MAP2: variants seen among roughly 807,000 people sequenced by gnomAD.
The protein encoded by MAP2 is microtubule associated protein 2, also known as microtubule-associated protein 2.
In MAP2, 14 loss-of-function variants were observed where a neutral mutation model predicts 137.6. The ratio of observed to expected loss-of-function variants is 0.10; its 90% CI spans 0.07 to 0.16. The LOEUF is 0.16. Among genes scored for constraint, MAP2 ranks in the 10% least tolerant of loss-of-function variants. The pLI is 1.00. For missense variants in MAP2, 2,088 were observed against 2,191.5 expected, an observed-to-expected ratio of 0.95 and a Z score of 0.94; for synonymous variants, 786 against 782.3, an observed-to-expected ratio of 1.00 and a Z score of -0.08.
intron 2 of MAP2, among the ~76,000 whole-genome samples, chr2:209,531,715 T>A (rs986048009): frequency 3.3e-5 from 5 of 152,220 alleles, no homozygotes; most frequent in Non-Finnish European, 4.4e-5. Flanking sequence ...ATTGCTGATA[T>A]AAGCTACTTT....
intron 1 of MAP2, among the ~76,000 whole-genome samples, chr2:209,446,547 T>C (rs1176717669): frequency 6.6e-6 from 1 of 151,900 alleles, no homozygotes; most frequent in African/African-American, 2.4e-5. Flanking sequence ...AAATTTTTTA[T>C]TTAGAGGCTT....
chr2:209,640,358 A>C (rs1396778), intron 4 of MAP2, among the ~76,000 whole-genome samples: 10,101 of 152,172 alleles, frequency 0.066, 800 homozygotes, highest in South Asian at 0.23. Context: ...AATACAGTTA[A>C]AAAATAATTA....
intron 2 of MAP2, among the ~76,000 whole-genome samples, chr2:209,525,112 A>C (rs1163060019): frequency 6.6e-6 from 1 of 152,158 alleles, no homozygotes; most frequent in East Asian, 1.9e-4. Context: ...AGGATATTAG[A>C]AATTAAATAA....
chr2:209,729,374 C>G (rs2239553), intron 14 of MAP2, among the ~76,000 whole-genome samples: 1 of 152,092 alleles, frequency 6.6e-6, no homozygotes, highest in Non-Finnish European at 1.5e-5. Context: ...GAATATATTG[C>G]CCACATGTGC....
rs976991247 is a variant in MAP2 at position 209,694,704 on chromosome 2, C to A, written c.2534C>A (p.Thr845Asn). The change falls in exon 8 of 16, where the codon ACT becomes AAT. Residue 845 changes from threonine to asparagine, a missense_variant. Thr to Asn is a moderately conservative substitution (Grantham distance 65). Coordinates refer to ENST00000682079, the MANE Select transcript of MAP2 (RefSeq NM_001375505.1). ...GAGACTGTGGTTGAGGATAGTCGTACTGGCTTGCCCCCGGTAACTGATGAA... is the reference window on the plus strand; with the variant it reads ...GAGACTGTGGTTGAGGATAGTCGTAATGGCTTGCCCCCGGTAACTGATGAA... ...PSETVVEDSR[T>N]GLPPVTDENH... The A allele has an allele frequency of 6.2e-7, 1 of 1,614,168 alleles. No homozygotes were observed. Among genetic ancestry groups the A allele is most frequent in the African/African-American group, 1.3e-5 (1 of 75,068 alleles).
At chr2:209,504,347 C>T (rs192357170) in intron 1 of MAP2, among the ~76,000 whole-genome samples, 142 of 151,836 alleles carry the variant, frequency 9.4e-4, no homozygotes, top group African/African-American at 3.3e-3. Flanking sequence ...AAATGAAATC[C>T]AGTCTATTTA....
At chr2:209,701,628 T>C (rs1663822296) in intron 11 of MAP2, among the ~76,000 whole-genome samples, 1 of 152,058 alleles carries the variant, frequency 6.6e-6, no homozygotes, top group South Asian at 2.1e-4. Context: ...TTATGAAAAG[T>C]AGTGAGTGAT....
At chr2:209,489,186 G>A (rs1297150305) in intron 1 of MAP2, among the ~76,000 whole-genome samples, 2 of 152,296 alleles carry the variant, frequency 1.3e-5, no homozygotes, top group South Asian at 2.1e-4. Context: ...CAGCAGACCT[G>A]CAGAAGAGGG....
At chr2:209,598,263 C>T (rs1314787476) in intron 3 of MAP2, among the ~76,000 whole-genome samples, 2 of 151,922 alleles carry the variant, frequency 1.3e-5, no homozygotes, top group Non-Finnish European at 2.9e-5. Context: ...CCTCGGCCTC[C>T]CAAAGTATTG....
At chr2:209,599,859 A>T (rs2082463420) in intron 3 of MAP2, among the ~76,000 whole-genome samples, 1 of 152,184 alleles carries the variant, frequency 6.6e-6, no homozygotes, top group African/African-American at 2.4e-5. Context: ...TCAGGTGTAT[A>T]AAACAGGAAT....
At chr2:209,601,075 A>G (rs553536367) in intron 3 of MAP2, among the ~76,000 whole-genome samples, 50 of 152,292 alleles carry the variant, frequency 3.3e-4, no homozygotes, top group Non-Finnish European at 6.2e-4. Flanking sequence ...AATTTCAATA[A>G]TACTTACCTC....
At chr2:209,596,603 C>T (rs566196527) in intron 3 of MAP2, among the ~76,000 whole-genome samples, 1 of 152,180 alleles carries the variant, frequency 6.6e-6, no homozygotes, top group East Asian at 1.9e-4. Flanking sequence ...GAAATGAAAC[C>T]ATAAACAACT....
At chr2:209,534,283 C>A (rs1230710112) in intron 2 of MAP2, among the ~76,000 whole-genome samples, 2 of 152,198 alleles carry the variant, frequency 1.3e-5, no homozygotes, top group African/African-American at 4.8e-5. Flanking sequence ...ATCCATTTTA[C>A]AGATAAAGAG....
rs777032891 is a variant in MAP2 at position 209,693,217 on chromosome 2, C to G, written c.1047C>G (p.Asp349Glu). 6.2e-7 allele frequency: 1 copy of G among 1,612,802 alleles called. No individual in the cohort carries two copies. Among genetic ancestry groups the G allele is most frequent in the Non-Finnish European group, 8.5e-7 (1 of 1,179,722 alleles). ...PFAPAFLQPDDKKSLQQTSGP... is the reference protein window; with the variant it reads ...PFAPAFLQPDEKKSLQQTSGP... ...CCCCTGCCTTTTTACAGCCAGATGA[C>G]AAAAAATCTCTGCAACAAACCAGTG... is the stretch of plus-strand genomic sequence containing the variant. Residue 349 changes from aspartate (D) to glutamate (E), a missense_variant, in exon 8 of 16, where the codon GAC (aspartate) becomes GAG (glutamate). Around this residue, in one of 6 missense-constraint regions of MAP2, gnomAD observed 859 missense variants for 794.5 expected, o/e 1.08. Coordinates refer to ENST00000682079, the MANE Select transcript of MAP2 (RefSeq NM_001375505.1).
chr2:209,532,143 C>G (rs1324358557), intron 2 of MAP2, among the ~76,000 whole-genome samples: 2 of 149,652 alleles, frequency 1.3e-5, no homozygotes, highest in Non-Finnish European at 3.0e-5. Context: ...GAGGCTGAAG[C>G]AGGAGGATCA....
Position 209,695,994 on chromosome 2 carries a change from G to T in MAP2, c.3824G>T (p.Ser1275Ile), listed in dbSNP as rs1486877170. 6.2e-7 allele frequency: 1 copy of T among 1,614,136 alleles called. No individual in the cohort carries two copies. The highest frequency in any genetic ancestry group is 1.7e-5 in the Admixed American group (1 of 60,020). ...AREEFVETCP[S>I]EHKGVIESVV... The stretch of plus-strand genomic sequence containing the variant: ...GAGGAATTTGTGGAGACCTGCCCAA[G>T]TGAACACAAAGGAGTGATTGAGTCT... Residue 1275 changes from serine to isoleucine, a missense_variant, in exon 8 of 16, where the codon AGT (serine) becomes ATT (isoleucine). Transcript: ENST00000682079.
chr2:209,631,149 T>G (rs1264172080), intron 4 of MAP2, among the ~76,000 whole-genome samples: 1 of 151,916 alleles, frequency 6.6e-6, no homozygotes, highest in African/African-American at 2.4e-5. Context: ...ATTCAGCCTT[T>G]AGCTTGCCAC....
At position 209,508,820 on chromosome 2, in the gene MAP2, C is replaced by T. The variant is rs191337383; in HGVS notation, c.-172+1179C>T. On this transcript the variant is annotated intron_variant, in intron 2 of 15. Transcript: ENST00000682079. The stretch of plus-strand genomic sequence containing the variant: ...TTTTATTAAGTGTTTTTATATAGTT[C>T]GGGGTCAAATTTATTAAAGTTTCTC... Among the ~76,000 whole-genome samples, 13 of 151,904 alleles carry T rather than the reference C, an allele frequency of 8.6e-5. No homozygotes were observed. In the East Asian group the frequency reaches 1.4e-3, roughly 16 times the overall value.
chr2:209,633,513 A>G (rs1351611862), intron 4 of MAP2, among the ~76,000 whole-genome samples: 1 of 152,212 alleles, frequency 6.6e-6, no homozygotes, highest in African/African-American at 2.4e-5. Flanking sequence ...CTAAGTTATG[A>G]GTAAAATAAT....
Sources: gnomAD v4.1 joint callset for allele counts (sites outside exome capture counted in the v4.1 genomes callset) on GRCh38, gnomAD v4.1.1 for gene constraint, gnomAD v4.1.1 regional missense constraint, MANE v1.5 for transcripts, NCBI Gene and HGNC (gene_info 2026-07-23, HGNC 2026-07-21) for gene names.